PSTPIP2: variants seen among roughly 807,000 people sequenced by gnomAD.
PSTPIP2 encodes the protein proline-serine-threonine phosphatase interacting protein 2.
In PSTPIP2, 33 loss-of-function variants were observed where a neutral mutation model predicts 63.3. The observed-to-expected ratio is 0.52, with a 90% confidence interval of 0.40 to 0.70. PSTPIP2 has a LOEUF of 0.70. PSTPIP2 is among the 30% of genes least tolerant of loss of function. The pLI, the probability that PSTPIP2 is intolerant of heterozygous loss-of-function variation, is 0.00. For missense variants in PSTPIP2, 312 were observed against 400.7 expected (o/e 0.78, Z 1.89); for synonymous variants, 125 against 132.7 (o/e 0.94, Z 0.40).
chr18:46,055,857 C>T (rs1214945075), intron 1 of PSTPIP2, among the ~76,000 whole-genome samples: 2 of 152,150 alleles, frequency 1.3e-5, no homozygotes, highest in African/African-American at 4.8e-5. Context: ...TACTTTTAGA[C>T]TCTCATTTGT....
At chr18:46,065,683 T>G (rs1909165136) in intron 1 of PSTPIP2, among the ~76,000 whole-genome samples, 1 of 152,144 alleles carries the variant, frequency 6.6e-6, no homozygotes, top group South Asian at 2.1e-4. Flanking sequence ...GCCAGGCTGG[T>G]CTCGAACTCC....
intron 2 of PSTPIP2, among the ~76,000 whole-genome samples, chr18:46,025,510 T>A (rs1292734139): frequency 1.3e-5 from 2 of 152,070 alleles, no homozygotes; most frequent in African/African-American, 4.8e-5. Flanking sequence ...CACATATGTG[T>A]AACTTTCATG....
intron 1 of PSTPIP2, among the ~76,000 whole-genome samples, chr18:46,040,498 C>T (rs769606879): frequency 6.6e-6 from 1 of 152,172 alleles, no homozygotes; most frequent in Admixed American, 6.5e-5. Flanking sequence ...AAGGAAGTTC[C>T]ACAAATTCCT....
chr18:46,014,068 G>A (rs1279692601), intron 4 of PSTPIP2, among the ~76,000 whole-genome samples: 3 of 151,650 alleles, frequency 2.0e-5, no homozygotes, highest in Admixed American at 1.3e-4. Context: ...TGTCGCCCAC[G>A]CTGGGGTGCA....
At chr18:45,993,818 A>G in intron 9 of PSTPIP2, 115 bp from the exon 10 acceptor site, 1 of 853,164 alleles carries the variant, frequency 1.2e-6, no homozygotes, top group South Asian at 1.5e-5. Flanking sequence ...CTTATTGTCC[A>G]ATTTAGAATG....
chr18:45,988,831 C>T, intron 13 of PSTPIP2, 72 bp from the exon 14 acceptor site: 1 of 1,262,432 alleles, frequency 7.9e-7, no homozygotes, highest in Non-Finnish European at 1.2e-6. Flanking sequence ...CTTTTCAAGC[C>T]AGGGCATTTC....
At chr18:46,011,065 T>G in intron 5 of PSTPIP2, 116 bp downstream of exon 5, 1 of 855,974 alleles carries the variant, frequency 1.2e-6, no homozygotes, top group Non-Finnish European at 1.9e-6. Context: ...AGTAAGTAAT[T>G]TCTCAGGTCA....
chr18:45,996,276 A>T (rs1050228342), intron 9 of PSTPIP2, among the ~76,000 whole-genome samples: 4 of 152,252 alleles, frequency 2.6e-5, no homozygotes, highest in African/African-American at 9.6e-5. Flanking sequence ...CTAACAGGAA[A>T]AAAGGAGTGG....
Position 45,998,858 on chromosome 18 carries a change from A to G in PSTPIP2, c.517-19T>C. The G allele has an allele frequency of 2.5e-6, 4 of 1,613,794 alleles. No individual in the cohort carries two copies. The highest frequency in any genetic ancestry group is 3.4e-6 in the Non-Finnish European group (4 of 1,180,006). The stretch of plus-strand genomic sequence containing the variant: ...CAAAAAGCTGTGAAAACAAACAAAC[A>G]AACAAAAAAAGAGCAAGCATTGGGA... On this transcript the variant is annotated intron_variant, in intron 7 of 14. Coordinates refer to ENST00000409746, the MANE Select transcript of PSTPIP2 (RefSeq NM_024430.4).
At chr18:45,997,589 C>T (rs2051610326) in intron 9 of PSTPIP2, among the ~76,000 whole-genome samples, 160 bp downstream of exon 9, 1 of 139,420 alleles carries the variant, frequency 7.2e-6, no homozygotes, top group Non-Finnish European at 1.6e-5. Context: ...GGCAGAAGAC[C>T]CACCTCCCGC....
chr18:45,987,476 C>T (rs888793661), intron 14 of PSTPIP2, among the ~76,000 whole-genome samples: 5 of 145,880 alleles, frequency 3.4e-5, no homozygotes, highest in Non-Finnish European at 7.5e-5. Flanking sequence ...ACAAGAAATG[C>T]GAAGACGTGT....
chr18:46,016,887 T>A (rs1472233526), intron 3 of PSTPIP2, among the ~76,000 whole-genome samples: 1 of 152,252 alleles, frequency 6.6e-6, no homozygotes, highest in Non-Finnish European at 1.5e-5. Flanking sequence ...AGTTATAAGC[T>A]TTTAATGTCC....
chr18:46,016,991 T>C (rs904735768), intron 3 of PSTPIP2, among the ~76,000 whole-genome samples: 1 of 152,230 alleles, frequency 6.6e-6, no homozygotes, highest in Non-Finnish European at 1.5e-5. Context: ...ATGTGCCATA[T>C]TCTTTGCTCA....
At chr18:46,041,121 C>A in intron 1 of PSTPIP2, 1 of 451,196 alleles carries the variant, frequency 2.2e-6, no homozygotes, top group Non-Finnish European at 4.5e-6. Flanking sequence ...CAGCTCTGAG[C>A]CAGAAGCCAG....
rs1212531956 is a variant in PSTPIP2 at position 45,991,980 on chromosome 18, G to C, written c.842C>G (p.Pro281Arg). 3 of 1,611,766 alleles carry C rather than the reference G, an allele frequency of 1.9e-6. No homozygotes were observed. The highest frequency in any genetic ancestry group is 2.5e-6 in the Non-Finnish European group (3 of 1,178,104). ...GGAGTAGAAATTCTCATACATGATG[G>C]GTGCTAGGAGAGTCACCAAGAAACA... Reference protein sequence around the residue: ...QRKTGQIPPAPIMYENFYSSQ... With the variant: ...QRKTGQIPPARIMYENFYSSQ... Residue 281 changes from proline to arginine, a missense_variant, in exon 12 of 15, where the codon CCC becomes CGC. Transcript: ENST00000409746.
intron 12 of PSTPIP2, 110 bp from the exon 13 acceptor site, chr18:45,990,866 T>G: frequency 1.2e-6 from 1 of 867,372 alleles, no homozygotes; most frequent in Non-Finnish European, 1.7e-6. Context: ...GTTTCTGCAC[T>G]GGAGGGTCAA....
At chr18:46,023,308 C>T (rs1907442592) in intron 3 of PSTPIP2, among the ~76,000 whole-genome samples, 2 of 152,166 alleles carry the variant, frequency 1.3e-5, no homozygotes, top group African/African-American at 2.4e-5. Context: ...CACCTGTAAT[C>T]CCAGTACTTT....
intron 1 of PSTPIP2, among the ~76,000 whole-genome samples, chr18:46,051,404 A>G (rs1436040612): frequency 5.3e-5 from 8 of 151,974 alleles, no homozygotes; most frequent in African/African-American, 1.9e-4. Flanking sequence ...GAGCCCGGGA[A>G]GTGGAGGTTG....
intron 1 of PSTPIP2, among the ~76,000 whole-genome samples, chr18:46,071,479 C>G (rs1436788181): frequency 2.0e-5 from 3 of 152,078 alleles, no homozygotes; most frequent in African/African-American, 7.2e-5. Context: ...GGTGGGGTAC[C>G]CCCTCCAGCT....
Sources: gnomAD v4.1 joint callset for allele counts (sites outside exome capture counted in the v4.1 genomes callset) on GRCh38, gnomAD v4.1.1 for gene constraint, MANE v1.5 for transcripts, NCBI Gene and HGNC (gene_info 2026-07-23, HGNC 2026-07-21) for gene names.